LRP1B: variants seen among roughly 807,000 people sequenced by gnomAD.
The protein encoded by LRP1B is low-density lipoprotein receptor-related protein 1B.
Under a neutral mutation model 556.6 loss-of-function variants are expected in LRP1B, and 217 were observed. The observed-to-expected ratio is 0.39, with a 90% CI of 0.35 to 0.44. The LOEUF is 0.44. Among genes scored for constraint, LRP1B ranks in the 20% least tolerant of loss-of-function variants. The probability of loss-of-function intolerance (pLI) is 1.00; values close to 1 mark genes in which losing one functional copy is unlikely to be tolerated. For synonymous variants in LRP1B, 2,047 were observed against 1,865.8 expected (o/e 1.10, Z -2.50); for missense variants, 5,053 against 5,620.8 (o/e 0.90, Z 3.23).
intron 1 of LRP1B, among the ~76,000 whole-genome samples, chr2:141,951,846 T>A (rs996916253): frequency 1.3e-5 from 2 of 152,182 alleles, no homozygotes; most frequent in Admixed American, 1.3e-4. Context: ...AATTTTTTTT[T>A]AATTTGCTTT....
rs565648449 is a variant in LRP1B at position 141,490,525 on chromosome 2, T to C, written c.206-9992A>G. Among the ~76,000 whole-genome samples the C allele has an allele frequency of 6.2e-4, 94 of 152,190 alleles. 1 individual carries two copies. Among genetic ancestry groups the C allele is most frequent in the African/African-American group, 2.1e-3 (89 of 41,538 alleles). On this transcript the variant is annotated intron_variant, in intron 2 of 90. Coordinates refer to ENST00000389484, the MANE Select transcript of LRP1B (RefSeq NM_018557.3). ...GCACTGCAACTATAAACACTTAGAA[T>C]ATAGACAAAGTTGGCAAATAAAAAA... is the stretch of plus-strand genomic sequence containing the variant.
chr2:141,024,831 T>C lies in LRP1B; in HGVS notation c.1790-4729A>G, dbSNP rs187148613. Among the ~76,000 whole-genome samples the C allele has an allele frequency of 2.6e-4, 39 of 152,120 alleles. No individual in the cohort carries two copies. The East Asian group carries it at 3.1e-3, about 12-fold the overall frequency. On this transcript the variant is annotated intron_variant, in intron 11 of 90. Coordinates refer to ENST00000389484, the MANE Select transcript of LRP1B (RefSeq NM_018557.3). ...CGCAGGAGCAACTGGGAGGGGTCCATATGGATGCTTTCATATACTGTGGGT... is the reference window on the plus strand; with the variant it reads ...CGCAGGAGCAACTGGGAGGGGTCCACATGGATGCTTTCATATACTGTGGGT...
intron 11 of LRP1B, among the ~76,000 whole-genome samples, chr2:141,034,818 A>G (rs985215024): frequency 1.7e-4 from 26 of 149,490 alleles, no homozygotes; most frequent in Admixed American, 4.7e-4. Context: ...AGGGATCTAG[A>G]AGTAGAAACA....
intron 41 of LRP1B, among the ~76,000 whole-genome samples, chr2:140,637,290 A>C (rs1456172537): frequency 6.6e-6 from 1 of 152,206 alleles, no homozygotes; most frequent in African/African-American, 2.4e-5. Flanking sequence ...CCCAAATTTG[A>C]CATGGGATCC....
intron 58 of LRP1B, among the ~76,000 whole-genome samples, chr2:140,486,755 A>G (rs891443851): frequency 6.6e-6 from 1 of 151,872 alleles, no homozygotes; most frequent in African/African-American, 2.4e-5. Flanking sequence ...GGTTGGCTCA[A>G]ATTAATCTAT....
intron 2 of LRP1B, among the ~76,000 whole-genome samples, chr2:141,647,715 TTA>T (rs1553441856): frequency 1.2e-4 from 18 of 151,752 alleles, no homozygotes; most frequent in African/African-American, 3.9e-4. Context: ...TTTTTTTTTT[TTA>T]AATAAGAGAG....
At chr2:140,282,992 C>T (rs548405802) in intron 84 of LRP1B, among the ~76,000 whole-genome samples, 2 of 151,712 alleles carry the variant, frequency 1.3e-5, no homozygotes, top group African/African-American at 2.4e-5. Context: ...CATCTAATTT[C>T]GGATGAGGAC....
intron 43 of LRP1B, among the ~76,000 whole-genome samples, chr2:140,555,217 C>G (rs140025277): frequency 8.3e-6 from 1 of 120,518 alleles, no homozygotes; most frequent in African/African-American, 2.9e-5. Flanking sequence ...GATTCACAGA[C>G]GCTCAGGAAA....
intron 1 of LRP1B, among the ~76,000 whole-genome samples, chr2:142,050,723 C>T (rs1242418867): frequency 6.6e-6 from 1 of 152,028 alleles, no homozygotes; most frequent in Non-Finnish European, 1.5e-5. Context: ...CCCACCTATG[C>T]CCAACACAAC....
chr2:142,002,049 A>C (rs1484985426), intron 1 of LRP1B, among the ~76,000 whole-genome samples: 1 of 152,202 alleles, frequency 6.6e-6, no homozygotes, highest in Non-Finnish European at 1.5e-5. Context: ...ACTTAACCTT[A>C]GCCAAAAGGA....
intron 11 of LRP1B, among the ~76,000 whole-genome samples, chr2:141,020,642 T>A (rs1313955910): frequency 6.6e-6 from 1 of 151,986 alleles, no homozygotes; most frequent in African/African-American, 2.4e-5. Context: ...CAGAACTGCA[T>A]CAACAGTCAA....
intron 1 of LRP1B, among the ~76,000 whole-genome samples, chr2:141,937,091 T>A (rs199544500): frequency 6.6e-6 from 1 of 150,846 alleles, no homozygotes; most frequent in Non-Finnish European, 1.5e-5. Flanking sequence ...ATAAAAAACC[T>A]TTAAAAATAT....
At chr2:140,363,266 A>G (rs149009911) in intron 72 of LRP1B, among the ~76,000 whole-genome samples, 67 of 151,734 alleles carry the variant, frequency 4.4e-4, no homozygotes, top group African/African-American at 1.6e-3. Flanking sequence ...GATATTGCTC[A>G]CTGAGAGAAA....
At chr2:141,071,537 T>C (rs1699643365) in intron 7 of LRP1B, among the ~76,000 whole-genome samples, 1 of 152,130 alleles carries the variant, frequency 6.6e-6, no homozygotes, top group Non-Finnish European at 1.5e-5. Flanking sequence ...TAAAGGGTAT[T>C]CAATTAGGGA....
intron 18 of LRP1B, among the ~76,000 whole-genome samples, chr2:140,967,906 G>A (rs973686028): frequency 6.6e-6 from 1 of 151,176 alleles, no homozygotes; most frequent in African/African-American, 2.4e-5. Context: ...TGATCATGGT[G>A]GATAAGCTTT....
chr2:140,775,337 T>A (rs12623466), intron 33 of LRP1B, among the ~76,000 whole-genome samples: 67,132 of 151,712 alleles, frequency 0.44, 15,803 homozygotes, highest in East Asian at 0.58. Flanking sequence ...CCCCAAATCC[T>A]TTAGATGAAA....
chr2:142,012,226 T>C, intron 1 of LRP1B, among the ~76,000 whole-genome samples: 1 of 152,128 alleles, frequency 6.6e-6, no homozygotes, highest in Non-Finnish European at 1.5e-5. Context: ...TTTTATAAAG[T>C]TGATATTGTT....
chr2:142,016,021 A>G (rs1464344675), intron 1 of LRP1B, among the ~76,000 whole-genome samples: 1 of 143,678 alleles, frequency 7.0e-6, no homozygotes, highest in African/African-American at 2.5e-5. Context: ...AAGTGGGTGA[A>G]GGAGATGAAC....
At chr2:141,922,804 G>A (rs1295265973) in intron 1 of LRP1B, among the ~76,000 whole-genome samples, 2 of 152,048 alleles carry the variant, frequency 1.3e-5, no homozygotes, top group East Asian at 1.9e-4. Context: ...CTATAAATGG[G>A]AATGATAAAA....
Sources: gnomAD v4.1 joint callset for allele counts (sites outside exome capture counted in the v4.1 genomes callset) on GRCh38, gnomAD v4.1.1 for gene constraint, MANE v1.5 for transcripts, NCBI Gene and HGNC (gene_info 2026-07-23, HGNC 2026-07-21) for gene names.